BCL7B: variants seen among roughly 807,000 people sequenced by gnomAD.
BCL7B encodes BAF chromatin remodeling complex subunit BCL7B.
Under a neutral mutation model 26.5 loss-of-function variants are expected in BCL7B, and 11 were observed. The ratio of observed to expected loss-of-function variants is 0.42; its 90% CI spans 0.26 to 0.69. The LOEUF is 0.69. BCL7B is among the 30% of genes least tolerant of loss of function. BCL7B has a pLI of 0.28. For synonymous variants in BCL7B, 111 were observed against 107.9 expected (o/e 1.03, Z -0.18); for missense variants, 215 against 264.4 (o/e 0.81, Z 1.30).
intron 3 of BCL7B, among the ~76,000 whole-genome samples, chr7:73,540,857 AGTT>A (rs1791741691): frequency 7.8e-6 from 1 of 127,926 alleles, no homozygotes; most frequent in Admixed American, 8.1e-5. Flanking sequence ...AAAAAAAAAG[AGTT>A]ACCAGGCCGA....
At chr7:73,550,843 GA>G (rs1792138133) in intron 2 of BCL7B, among the ~76,000 whole-genome samples, 1 of 151,796 alleles carries the variant, frequency 6.6e-6, no homozygotes, top group Non-Finnish European at 1.5e-5. Flanking sequence ...ACTTTTAGTA[GA>G]GACGGGGTTT....
intron 3 of BCL7B, chr7:73,540,327 G>A: frequency 2.6e-6 from 1 of 380,694 alleles, no homozygotes; most frequent in Non-Finnish European, 4.9e-6. Flanking sequence ...AGGGAGGGAT[G>A]TAGCTGTGTC....
rs77296132 is a variant in BCL7B at position 73,539,796 on chromosome 7, G to C, written c.436+86C>G. 10 of 1,511,970 alleles carry C rather than the reference G, an allele frequency of 6.6e-6. 1 individual carries two copies. Among genetic ancestry groups the C allele is most frequent in the African/African-American group, 2.8e-5 (2 of 72,584 alleles). 93.7% of individuals were successfully genotyped at this position (1,511,970 alleles called of 1,614,324 possible). A position where few individuals can be genotyped will look rare whatever the true frequency, so the allele number is the denominator to read the frequency against. On this transcript the variant is annotated intron_variant, in intron 4 of 5. Coordinates refer to ENST00000223368, the MANE Select transcript of BCL7B (RefSeq NM_001707.4). ...CTGCCTGGCTCTGAGGTGCTCTCTC[G>C]AGCCTGTTACTCTAAAGACGAGACA...
At chr7:73,538,613 A>G (rs1791630676) in intron 4 of BCL7B, among the ~76,000 whole-genome samples, 1 of 151,984 alleles carries the variant, frequency 6.6e-6, no homozygotes, top group Non-Finnish European at 1.5e-5. Context: ...CCAGGAGTTC[A>G]AGACCAGCCT....
intron 3 of BCL7B, 97 bp from the exon 4 acceptor site, chr7:73,540,149 G>A: frequency 7.6e-7 from 1 of 1,316,842 alleles, no homozygotes; most frequent in Non-Finnish European, 1.0e-6. Flanking sequence ...ACTTTAGGCA[G>A]CCAAGGATAC....
chr7:73,555,756 A>T (rs962844648), intron 1 of BCL7B, among the ~76,000 whole-genome samples: 15 of 152,110 alleles, frequency 9.9e-5, no homozygotes, highest in Non-Finnish European at 1.6e-4. Context: ...CATTTTATAT[A>T]TTTTTTTACA....
chr7:73,557,379 C>T (rs1792412009), intron 1 of BCL7B, 108 bp downstream of exon 1: 3 of 1,179,966 alleles, frequency 2.5e-6, no homozygotes, highest in East Asian at 7.3e-5. Context: ...CTCCCGCACC[C>T]CCCTCCCCCA....
At chr7:73,538,045 G>C in intron 4 of BCL7B, 32 bp from the exon 5 acceptor site, 1 of 1,503,570 alleles carries the variant, frequency 6.7e-7, no homozygotes, top group Non-Finnish European at 9.1e-7. Context: ...CCTGAGGGCA[G>C]GGCTCCCCTG....
At chr7:73,556,051 G>A (rs1175336350) in intron 1 of BCL7B, among the ~76,000 whole-genome samples, 2 of 152,026 alleles carry the variant, frequency 1.3e-5, no homozygotes, top group Non-Finnish European at 2.9e-5. Flanking sequence ...TGCTAGGGGC[G>A]GGGGGGTCAA....
chr7:73,537,224 C>CT lies in BCL7B; in HGVS notation c.*73_*74insA. The CT allele has an allele frequency of 6.7e-7, 1 of 1,487,938 alleles. No homozygotes were observed. Among genetic ancestry groups the CT allele is most frequent in the Non-Finnish European group, 9.3e-7 (1 of 1,072,638 alleles). The allele number at this position is 1,487,938 out of a possible 1,614,324, so 92.2% of individuals were successfully genotyped here. ...TTGACCCCAGTGCTTGCCCTTACCCCAGCAACGCGGCGCGGCCAGAACCAG... is the reference window on the plus strand; with the variant it reads ...TTGACCCCAGTGCTTGCCCTTACCCCTAGCAACGCGGCGCGGCCAGAACCAG... On this transcript the variant is annotated 3_prime_UTR_variant, in exon 6 of 6. Transcript: ENST00000223368.
At chr7:73,554,993 C>A (rs1400077562) in intron 1 of BCL7B, among the ~76,000 whole-genome samples, 1 of 152,154 alleles carries the variant, frequency 6.6e-6, no homozygotes, top group Non-Finnish European at 1.5e-5. Context: ...GATCCACAGT[C>A]CCTGCCCTCA....
intron 4 of BCL7B, 189 bp downstream of exon 4, chr7:73,539,693 C>G: frequency 1.5e-6 from 1 of 660,426 alleles, no homozygotes; most frequent in Non-Finnish European, 2.5e-6. Flanking sequence ...GCACGCAACT[C>G]TAATGCTTGT....
chr7:73,543,411 CAG>C, intron 3 of BCL7B, 135 bp downstream of exon 3: 1 of 741,720 alleles, frequency 1.3e-6, no homozygotes, highest in Non-Finnish European at 2.3e-6. Context: ...CTCCTGACCT[CAG>C]GTGATCTGCC....
intron 2 of BCL7B, among the ~76,000 whole-genome samples, chr7:73,546,596 A>C (rs1344188090): frequency 5.3e-5 from 8 of 151,960 alleles, no homozygotes; most frequent in Admixed American, 5.3e-4. Context: ...TGAACCTGCA[A>C]AGTGGAGGCT....
intron 1 of BCL7B, among the ~76,000 whole-genome samples, chr7:73,556,786 TG>T (rs1792377070): frequency 6.6e-6 from 1 of 152,176 alleles, no homozygotes. Flanking sequence ...CTCTGCTACT[TG>T]GAAGTGAGAA....
Position 73,540,829 on chromosome 7 carries a change from C to CAAAAAAA in BCL7B, c.266-784_266-778dup, listed in dbSNP as rs56111929. On this transcript the variant is annotated intron_variant, in intron 3 of 5. Coordinates refer to ENST00000223368, the MANE Select transcript of BCL7B (RefSeq NM_001707.4). The stretch of plus-strand genomic sequence containing the variant: ...TGAGCAACAGAGCGAGACTCTGTCT[C>CAAAAAAA]AAAAAAAAAAAAAAAAAAAAAAAAA... Among the ~76,000 whole-genome samples the CAAAAAAA allele has an allele frequency of 4.1e-4, 21 of 50,936 alleles. 3 individuals carry two copies. The highest frequency in any genetic ancestry group is 7.3e-4 in the African/African-American group (9 of 12,396). 33.4% of individuals were successfully genotyped at this position (50,936 alleles called of 152,430 possible).
Position 73,543,605 on chromosome 7 carries a change from G to A in BCL7B, c.208C>T (p.Pro70Ser). The A allele has an allele frequency of 6.2e-7, 1 of 1,613,836 alleles. No individual in the cohort carries two copies. Among genetic ancestry groups the A allele is most frequent in the Non-Finnish European group, 8.5e-7 (1 of 1,179,910 alleles). Residue 70 changes from proline (P) to serine (S), a missense_variant, in exon 3 of 6, where the codon CCT becomes TCT. Transcript: ENST00000223368. The stretch of plus-strand genomic sequence containing the variant: ...GAGGCATCAGAAGGAAAGCCATTAG[G>A]TTCTCGGGCTGCTGAACTGTTCGAT... ...SKSNSSAARE[P>S]NGFPSDASAN...
intron 1 of BCL7B, chr7:73,553,528 C>G (rs1554584395): frequency 6.6e-6 from 1 of 152,084 alleles, no homozygotes; most frequent in East Asian, 1.9e-4. Flanking sequence ...AAAAAATTAG[C>G]TGGGTGTGGT....
chr7:73,554,809 A>C (rs535657431), intron 1 of BCL7B, among the ~76,000 whole-genome samples: 1 of 152,190 alleles, frequency 6.6e-6, no homozygotes, highest in African/African-American at 2.4e-5. Flanking sequence ...AAAAAAAAAA[A>C]AAAAACAGAT....
Sources: allele counts gnomAD v4.1 joint callset (sites outside exome capture counted in the v4.1 genomes callset), GRCh38; gene constraint gnomAD v4.1.1; transcripts MANE v1.5; gene names NCBI Gene and HGNC (gene_info 2026-07-23, HGNC 2026-07-21).